ROBO2: variants seen among roughly 807,000 people sequenced by gnomAD.
The protein encoded by ROBO2 is roundabout guidance receptor 2.
Under a neutral mutation model 160.8 loss-of-function variants are expected in ROBO2, and 53 were observed. The observed-to-expected ratio is 0.33, with a 90% CI of 0.26 to 0.41. ROBO2 has a LOEUF of 0.41. Ranked by LOEUF, ROBO2 falls within the 10% of genes least tolerant of loss-of-function variation. ROBO2 has a pLI of 1.00. For synonymous variants in ROBO2, 664 were observed against 611.7 expected, an observed-to-expected ratio of 1.09 and a Z score of -1.26; for missense variants, 1,577 against 1,722.4, an observed-to-expected ratio of 0.92 and a Z score of 1.49.
At chr3:76,531,331 A>C (rs1221201735) in intron 2 of ROBO2, among the ~76,000 whole-genome samples, 1 of 152,178 alleles carries the variant, frequency 6.6e-6, no homozygotes, top group Non-Finnish European at 1.5e-5. Context: ...CACTTCCTTT[A>C]AGAATCTAGC....
Position 77,023,227 on chromosome 3 carries a change from C to T in ROBO2, c.110-74787C>T, listed in dbSNP as rs1012915828. On this transcript the variant is annotated intron_variant, in intron 2 of 26. Coordinates refer to the ROBO2 transcript ENST00000487694. ...TATCGGGGGTTACTGCTTTTGTCTTCTTCGTTTTTCTCTTGCTGCCACCAT... is the reference window on the plus strand; with the variant it reads ...TATCGGGGGTTACTGCTTTTGTCTTTTTCGTTTTTCTCTTGCTGCCACCAT... 3.3e-5 allele frequency among the ~76,000 whole-genome samples: 5 copies of T among 152,324 alleles called. No individual in the cohort carries two copies. In the East Asian group the frequency reaches 7.7e-4, roughly 24 times the overall value.
intron 2 of ROBO2, among the ~76,000 whole-genome samples, chr3:76,920,812 C>A (rs1231708947): frequency 1.3e-4 from 20 of 152,240 alleles, no homozygotes; most frequent in Non-Finnish European, 1.5e-5. Flanking sequence ...ATTTTCAAGA[C>A]AATACTTCAG....
At chr3:77,263,564 G>C (rs1007887862) in intron 2 of ROBO2, among the ~76,000 whole-genome samples, 1 of 152,186 alleles carries the variant, frequency 6.6e-6, no homozygotes, top group African/African-American at 2.4e-5. Flanking sequence ...CTCCATCCAT[G>C]TCCCTACAAA....
At chr3:76,370,456 C>T (rs1315072907) in intron 2 of ROBO2, among the ~76,000 whole-genome samples, 2 of 151,878 alleles carry the variant, frequency 1.3e-5, no homozygotes, top group Non-Finnish European at 2.9e-5. Context: ...TATTAAATCT[C>T]TTTCAGTGTA....
chr3:77,433,313 AC>A (rs557729505), intron 2 of ROBO2, among the ~76,000 whole-genome samples: 26 of 151,756 alleles, frequency 1.7e-4, no homozygotes, highest in Non-Finnish European at 3.5e-4. Context: ...AGGAGAGTTA[AC>A]CATAAAGTAG....
chr3:76,899,115 T>C (rs2075036705), intron 2 of ROBO2, among the ~76,000 whole-genome samples: 1 of 152,116 alleles, frequency 6.6e-6, no homozygotes, highest in Non-Finnish European at 1.5e-5. Context: ...GAAAATCGCC[T>C]TTTTATAGCC....
At chr3:77,464,402 T>G (rs2153574530) in intron 2 of ROBO2, among the ~76,000 whole-genome samples, 1 of 152,218 alleles carries the variant, frequency 6.6e-6, no homozygotes, top group Non-Finnish European at 1.5e-5. Flanking sequence ...CAAACTGTGT[T>G]TAGGCCCTAA....
chr3:76,994,522 C>A (rs1018581303), intron 2 of ROBO2, among the ~76,000 whole-genome samples: 1 of 152,138 alleles, frequency 6.6e-6, no homozygotes, highest in Admixed American at 6.6e-5. Flanking sequence ...AAACATTTGT[C>A]TTCTAATTTT....
intron 2 of ROBO2, among the ~76,000 whole-genome samples, chr3:76,878,333 GACAA>G (rs958122841): frequency 7.9e-5 from 12 of 152,112 alleles, no homozygotes; most frequent in African/African-American, 2.9e-4. Flanking sequence ...ATGAAATAAA[GACAA>G]ACAAAAAAAT....
intron 2 of ROBO2, among the ~76,000 whole-genome samples, chr3:76,274,104 T>C (rs1707773329): frequency 6.6e-6 from 1 of 152,188 alleles, no homozygotes; most frequent in African/African-American, 2.4e-5. Context: ...GTGTTACATA[T>C]GTTACAATGG....
intron 2 of ROBO2, among the ~76,000 whole-genome samples, chr3:77,429,798 C>T (rs2078591767): frequency 6.6e-6 from 1 of 152,008 alleles, no homozygotes; most frequent in Non-Finnish European, 1.5e-5. Context: ...GTCTGCACCC[C>T]TTTCTCTCTG....
intron 2 of ROBO2, among the ~76,000 whole-genome samples, chr3:76,776,071 A>G (rs952626507): frequency 2.0e-5 from 3 of 150,868 alleles, no homozygotes; most frequent in African/African-American, 7.3e-5. Flanking sequence ...CCCCTATGTA[A>G]CTTCTTTCTC....
intron 2 of ROBO2, among the ~76,000 whole-genome samples, chr3:76,341,393 A>C (rs1451945954): frequency 2.0e-5 from 3 of 148,840 alleles, no homozygotes; most frequent in Admixed American, 6.7e-5. Context: ...CCCAGAACTA[A>C]GAATGCTTTT....
intron 21 of ROBO2, among the ~76,000 whole-genome samples, chr3:77,612,177 T>G (rs537323911): frequency 6.6e-6 from 1 of 152,320 alleles, no homozygotes; most frequent in Non-Finnish European, 1.5e-5. Context: ...CCAAAAGATC[T>G]TTGGTTTGGC....
chr3:76,337,574 C>G (rs2073972916), intron 2 of ROBO2, among the ~76,000 whole-genome samples: 1 of 152,050 alleles, frequency 6.6e-6, no homozygotes, highest in Non-Finnish European at 1.5e-5. Context: ...CAACACATAT[C>G]ACTTACCTAG....
chr3:76,820,152 GT>G (rs900094792), intron 2 of ROBO2, among the ~76,000 whole-genome samples: 5 of 152,096 alleles, frequency 3.3e-5, no homozygotes, highest in South Asian at 2.1e-4. Context: ...TTGATTCACA[GT>G]GATTTGAAGC....
intron 2 of ROBO2, among the ~76,000 whole-genome samples, chr3:76,226,367 G>C (rs1489646990): frequency 2.0e-5 from 3 of 152,118 alleles, no homozygotes; most frequent in African/African-American, 7.2e-5. Context: ...GTGTGTGCCT[G>C]TGAGCCTGTA....
chr3:77,394,327 C>T (rs1032913546), intron 2 of ROBO2, among the ~76,000 whole-genome samples: 5 of 151,964 alleles, frequency 3.3e-5, no homozygotes, highest in African/African-American at 7.3e-5. Flanking sequence ...AGGGAGATGC[C>T]GTTGGCTGGT....
intron 2 of ROBO2, among the ~76,000 whole-genome samples, chr3:76,224,237 T>G (rs1373181674): frequency 1.3e-5 from 2 of 152,220 alleles, no homozygotes; most frequent in African/African-American, 4.8e-5. Flanking sequence ...ATATAACATC[T>G]GCAAGGTGGA....
Sources: allele counts gnomAD v4.1 joint callset (sites outside exome capture counted in the v4.1 genomes callset), GRCh38; gene constraint gnomAD v4.1.1; transcripts MANE v1.5; gene names NCBI Gene and HGNC (gene_info 2026-07-23, HGNC 2026-07-21).